RBFOX1: variants seen among roughly 807,000 people sequenced by gnomAD.
RBFOX1 encodes the protein RNA binding protein fox-1 homolog 1.
RBFOX1 carries 8 observed loss-of-function variants against 57.7 expected under a neutral mutation model. The observed-to-expected ratio is 0.14, with a 90% CI of 0.08 to 0.25. The LOEUF (loss-of-function observed/expected upper bound fraction) is 0.25. Ranked by LOEUF, RBFOX1 falls within the 10% of genes least tolerant of loss-of-function variation. RBFOX1 has a pLI of 1.00. For synonymous variants in RBFOX1, 326 were observed against 222.4 expected (o/e 1.47, Z -4.15); for missense variants, 611 against 548.5 (o/e 1.11, Z -1.14).
intron 3 of RBFOX1, among the ~76,000 whole-genome samples, chr16:6,919,699 A>G (rs2074028368): frequency 1.3e-5 from 2 of 151,650 alleles, no homozygotes; most frequent in African/African-American, 4.8e-5. Flanking sequence ...TGTCATCAGC[A>G]CTGATATATT....
chr16:7,475,376 G>A (rs148135293), intron 4 of RBFOX1, among the ~76,000 whole-genome samples: 174 of 149,334 alleles, frequency 1.2e-3, no homozygotes, highest in East Asian at 3.4e-3. Context: ...GTGCAGTGGC[G>A]CGATCTCGGC....
At chr16:7,293,546 G>A (rs2095835333) in intron 4 of RBFOX1, among the ~76,000 whole-genome samples, 1 of 152,128 alleles carries the variant, frequency 6.6e-6, no homozygotes, top group Admixed American at 6.6e-5. Flanking sequence ...GTGGGTCTTT[G>A]TAATGGAACC....
intron 1 of RBFOX1, among the ~76,000 whole-genome samples, chr16:6,110,116 T>G (rs1374214546): frequency 2.0e-5 from 3 of 152,118 alleles, no homozygotes; most frequent in Non-Finnish European, 4.4e-5. Flanking sequence ...ATCTACTGTC[T>G]ATGGATAAGT....
chr16:7,656,306 T>G (rs1450312869), intron 12 of RBFOX1, among the ~76,000 whole-genome samples: 1 of 152,182 alleles, frequency 6.6e-6, no homozygotes, highest in Non-Finnish European at 1.5e-5. Context: ...TGGCACGGAA[T>G]GAAAAACTTT....
At chr16:6,193,323 C>T (rs189473018) in intron 1 of RBFOX1, among the ~76,000 whole-genome samples, 37 of 125,232 alleles carry the variant, frequency 3.0e-4, no homozygotes, top group African/African-American at 9.3e-4. Context: ...TTTGACACAG[C>T]CCCAGTGTCC....
chr16:7,002,402 G>T (rs1472119901), intron 3 of RBFOX1, among the ~76,000 whole-genome samples: 1 of 152,194 alleles, frequency 6.6e-6, no homozygotes. Flanking sequence ...CAGCAAGAAA[G>T]AGATTTAAAA....
chr16:7,555,510 TAA>T (rs1216030296), intron 5 of RBFOX1, among the ~76,000 whole-genome samples: 1 of 152,232 alleles, frequency 6.6e-6, no homozygotes, highest in Non-Finnish European at 1.5e-5. Context: ...TTTGTAAATC[TAA>T]AGTTATTCAA....
At chr16:7,524,186 C>A (rs934160457) in intron 5 of RBFOX1, among the ~76,000 whole-genome samples, 1 of 152,156 alleles carries the variant, frequency 6.6e-6, no homozygotes, top group Non-Finnish European at 1.5e-5. Flanking sequence ...GAGAAACCAG[C>A]CATCCATCTG....
chr16:7,697,268 C>G (rs1368612269), intron 14 of RBFOX1, among the ~76,000 whole-genome samples: 5 of 152,052 alleles, frequency 3.3e-5, no homozygotes, highest in Non-Finnish European at 5.9e-5. Context: ...GATGGGAGAA[C>G]AAACAGGACA....
At chr16:6,927,414 C>CAAAAAAA (rs1194663760) in intron 3 of RBFOX1, among the ~76,000 whole-genome samples, 5,466 of 52,938 alleles carry the variant, frequency 0.1, 835 homozygotes, top group Middle Eastern at 0.14. Flanking sequence ...CGCTTTCTCA[C>CAAAAAAA]AAAAAAAAAA....
At chr16:6,335,527 C>T (rs111489057) in intron 2 of RBFOX1, among the ~76,000 whole-genome samples, 9,548 of 151,794 alleles carry the variant, frequency 0.063, 816 homozygotes, top group African/African-American at 0.2. Flanking sequence ...CGCCTGTAAT[C>T]CCAGCACTTT....
intron 4 of RBFOX1, among the ~76,000 whole-genome samples, chr16:7,158,018 C>G (rs952240557): frequency 1.3e-5 from 2 of 152,074 alleles, no homozygotes; most frequent in African/African-American, 4.8e-5. Context: ...TTCTATGTAG[C>G]TTTTACTCAG....
At chr16:6,627,430 A>C (rs1422664748) in intron 2 of RBFOX1, among the ~76,000 whole-genome samples, 2 of 152,126 alleles carry the variant, frequency 1.3e-5, no homozygotes, top group African/African-American at 4.8e-5. Context: ...TTCCATTTTG[A>C]AAAGTTACCC....
At chr16:5,521,509 C>T (rs75323008) in intron 2 of RBFOX1, among the ~76,000 whole-genome samples, 2,782 of 97,324 alleles carry the variant, frequency 0.029, 79 homozygotes, top group African/African-American at 0.092. Flanking sequence ...AACCTGTCAA[C>T]GAACCTATCT....
intron 3 of RBFOX1, among the ~76,000 whole-genome samples, chr16:6,899,225 G>C (rs2067839302): frequency 6.6e-6 from 1 of 151,868 alleles, no homozygotes; most frequent in African/African-American, 2.4e-5. Context: ...GTGTATGTGT[G>C]GATGCGTGTC....
chr16:5,785,591 G>C (rs980207380), intron 3 of RBFOX1, among the ~76,000 whole-genome samples: 2 of 151,916 alleles, frequency 1.3e-5, no homozygotes, highest in Non-Finnish European at 2.9e-5. Context: ...GCAATGGCAT[G>C]ATCTTGGCTC....
chr16:6,729,330 G>A (rs1057393668), intron 3 of RBFOX1, among the ~76,000 whole-genome samples: 1 of 152,120 alleles, frequency 6.6e-6, no homozygotes, highest in Non-Finnish European at 1.5e-5. Flanking sequence ...GTATAGCATA[G>A]AGTGAGAATC....
At chr16:7,429,501 A>G (rs2098657661) in intron 4 of RBFOX1, among the ~76,000 whole-genome samples, 1 of 152,334 alleles carries the variant, frequency 6.6e-6, no homozygotes, top group East Asian at 1.9e-4. Context: ...GTCTGCAATG[A>G]TATTACCTTG....
chr16:6,581,849 A>G (rs1300655856), intron 2 of RBFOX1, among the ~76,000 whole-genome samples: 3 of 152,246 alleles, frequency 2.0e-5, no homozygotes, highest in African/African-American at 4.8e-5. Context: ...GATGCCACTG[A>G]GATTACATGT....
Sources: allele counts gnomAD v4.1 joint callset (sites outside exome capture counted in the v4.1 genomes callset), GRCh38; gene constraint gnomAD v4.1.1; transcripts MANE v1.5; gene names NCBI Gene and HGNC (gene_info 2026-07-23, HGNC 2026-07-21).